The following PLA2G4E variants were observed in gnomAD, a reference collection of about 807,000 sequenced individuals.
The protein encoded by PLA2G4E is cytosolic phospholipase A2 epsilon.
In PLA2G4E, 84 loss-of-function variants were observed where a neutral mutation model predicts 109.1. The ratio of observed to expected loss-of-function variants is 0.77; its 90% CI spans 0.65 to 0.92. The LOEUF (loss-of-function observed/expected upper bound fraction) is 0.92. PLA2G4E is among the 40% of genes least tolerant of loss of function. The probability of loss-of-function intolerance (pLI) is 0.00; values close to 1 mark genes in which losing one functional copy is unlikely to be tolerated. For missense variants in PLA2G4E, 1,057 were observed against 1,076.6 expected, an observed-to-expected ratio of 0.98 and a Z score of 0.25; for synonymous variants, 469 against 436.1, an observed-to-expected ratio of 1.08 and a Z score of -0.94.
At chr15:42,000,475 A>T (rs2068405040) in intron 7 of PLA2G4E, among the ~76,000 whole-genome samples, 193 bp from the exon 8 acceptor site, 1 of 152,208 alleles carries the variant, frequency 6.6e-6, no homozygotes, top group South Asian at 2.1e-4. Flanking sequence ...AATGAGGTTT[A>T]TGAGGATGCA....
intron 1 of PLA2G4E, among the ~76,000 whole-genome samples, chr15:42,021,531 G>T (rs932832721): frequency 3.3e-5 from 5 of 152,056 alleles, no homozygotes; most frequent in African/African-American, 1.2e-4. Flanking sequence ...AGAGACCAGG[G>T]TCAGTGCTCC....
chr15:42,016,513 T>G (rs546039429), intron 1 of PLA2G4E, among the ~76,000 whole-genome samples: 5 of 152,160 alleles, frequency 3.3e-5, no homozygotes, highest in African/African-American at 1.2e-4. Flanking sequence ...ATTTTTGTAT[T>G]TTTAGTAGAG....
chr15:41,994,452 G>A lies in PLA2G4E; in HGVS notation c.1247+908C>T, dbSNP rs182402059. On this transcript the variant is annotated intron_variant, in intron 12 of 19. Coordinates refer to ENST00000399518, the Ensembl canonical transcript of PLA2G4E. ...GGCCCACCAGTCACAGACAGGACAC[G>A]GCCCTGCTTGATAGGCCACCCTGAA... is the stretch of plus-strand genomic sequence containing the variant. 3.4e-3 allele frequency among the ~76,000 whole-genome samples: 525 copies of A among 152,346 alleles called. 2 individuals carry two copies. Among genetic ancestry groups the A allele is most frequent in the African/African-American group, 0.012 (495 of 41,578 alleles).
At chr15:42,037,637 G>A (rs576272656) in intron 1 of PLA2G4E, among the ~76,000 whole-genome samples, 15 of 152,322 alleles carry the variant, frequency 9.8e-5, no homozygotes, top group African/African-American at 3.6e-4. Context: ...GCTGAAACAT[G>A]CCCCTTGCTC....
Position 41,989,404 on chromosome 15 carries a change from A to G in PLA2G4E, c.1723+11T>C, listed in dbSNP as rs1344674826. Reference sequence around the variant, plus strand: ...AGCCCCCTGTCATTCCGCCAGTTGCAAGGCAGTCACCTAGCATGTAGCAGA... The same window carrying G: ...AGCCCCCTGTCATTCCGCCAGTTGCGAGGCAGTCACCTAGCATGTAGCAGA... On this transcript the variant is annotated intron_variant, in intron 15 of 19. Transcript: ENST00000399518. 3 of 1,613,812 alleles carry G rather than the reference A, an allele frequency of 1.9e-6. No homozygotes were observed. The highest frequency in any genetic ancestry group is 2.5e-6 in the Non-Finnish European group (3 of 1,179,758).
At chr15:41,999,954 T>C in exon 9 of PLA2G4E, 1 of 1,611,532 alleles carries the variant, frequency 6.2e-7, no homozygotes, top group African/African-American at 1.3e-5. Context: ...GGAAAGGCAG[T>C]CGAGGGGCTG....
At chr15:41,989,272 C>T (rs1358339005) in intron 15 of PLA2G4E, 143 bp downstream of exon 15, 1 of 1,181,874 alleles carries the variant, frequency 8.5e-7, no homozygotes, top group African/African-American at 1.5e-5. Context: ...CAGACCAACT[C>T]TGGTCCCCAG....
chr15:42,031,822 TC>T (rs1293748484), intron 1 of PLA2G4E, among the ~76,000 whole-genome samples: 9 of 152,162 alleles, frequency 5.9e-5, no homozygotes, highest in Non-Finnish European at 1.3e-4. Context: ...TTCTCCTAGT[TC>T]CACTGTCTTA....
intron 18 of PLA2G4E, 41 bp from the exon 19 acceptor site, chr15:41,984,660 T>C: frequency 6.6e-7 from 1 of 1,506,038 alleles, no homozygotes; most frequent in East Asian, 2.3e-5. Context: ...TTAGGAGGAG[T>C]GGGAGTGGAG....
At chr15:42,037,373 G>A (rs7165266) in intron 1 of PLA2G4E, among the ~76,000 whole-genome samples, 1 of 152,248 alleles carries the variant, frequency 6.6e-6, no homozygotes, top group Non-Finnish European at 1.5e-5. Flanking sequence ...CGGTCGTCAG[G>A]ATGACCAGCT....
intron 1 of PLA2G4E, among the ~76,000 whole-genome samples, chr15:42,017,565 T>A (rs1381959259): frequency 6.6e-6 from 1 of 152,264 alleles, no homozygotes; most frequent in African/African-American, 2.4e-5. Context: ...GGCTCACAGC[T>A]AGAATCAGAG....
chr15:42,012,420 A>G (rs1052979920), intron 2 of PLA2G4E, among the ~76,000 whole-genome samples: 1 of 152,138 alleles, frequency 6.6e-6, no homozygotes, highest in Admixed American at 6.5e-5. Context: ...TTAGGCAATC[A>G]TTAACCTCTT....
chr15:42,010,140 A>ACCGC lies in PLA2G4E; in HGVS notation c.257-2276_257-2275insGCGG, dbSNP rs1555387023. ...GCTTTTCCAGAACACTGGCCCCCCC[A>ACCGC]CCCCGGGCCTGGACCACACCCTTCA... On this transcript the variant is annotated intron_variant, in intron 2 of 19. Coordinates refer to ENST00000399518, the Ensembl canonical transcript of PLA2G4E. 5.5e-6 allele frequency: 2 copies of ACCGC among 364,530 alleles called. 1 individual carries two copies. 22.6% of individuals were successfully genotyped at this position (364,530 alleles called of 1,614,324 possible). A position where few individuals can be genotyped will look rare whatever the true frequency, so the allele number is the denominator to read the frequency against.
chr15:41,990,290 C>T, intron 13 of PLA2G4E, 55 bp from the exon 14 acceptor site: 1 of 1,504,604 alleles, frequency 6.6e-7, no homozygotes, highest in South Asian at 1.1e-5. Context: ...GTGAGGGAGG[C>T]AGTGCAGAAT....
chr15:41,999,982 T>A lies in PLA2G4E; in HGVS notation c.871A>T (p.Lys291Ter). ...AGGGGCTGGCTGATGGGGCCCTTCT[T>A]GCGAGAGCGGCAGCAAAGCTGGAGG... Residue 291 changes from lysine (K) to a stop codon, truncating the protein, a stop_gained, in exon 9 of 20, where the codon AAG becomes TAG. Transcript: ENST00000399518. LOFTEE classifies it high-confidence loss of function. 1.2e-6 allele frequency: 2 copies of A among 1,609,824 alleles called. No homozygotes were observed. The highest frequency in any genetic ancestry group is 1.7e-6 in the Non-Finnish European group (2 of 1,178,344).
exon 1 of PLA2G4E, chr15:42,050,555 G>A (rs2141082590): frequency 1.3e-6 from 2 of 1,550,588 alleles, no homozygotes; most frequent in East Asian, 4.9e-5. Flanking sequence ...ACAGAAAGGT[G>A]GGAGACCAGG....
chr15:41,984,857 C>T (rs1214018268), intron 18 of PLA2G4E, among the ~76,000 whole-genome samples: 1 of 152,192 alleles, frequency 6.6e-6, no homozygotes, highest in Non-Finnish European at 1.5e-5. Flanking sequence ...AAAGCCCTTT[C>T]GTTGGTGTTC....
intron 5 of PLA2G4E, among the ~76,000 whole-genome samples, chr15:42,004,065 C>T (rs548101145): frequency 6.6e-6 from 1 of 152,298 alleles, no homozygotes; most frequent in East Asian, 1.9e-4. Context: ...AATCCCAGCA[C>T]TTTGGGAGGC....
chr15:41,983,504 C>A, exon 20 of PLA2G4E: 2 of 496,294 alleles, frequency 4.0e-6, no homozygotes, highest in South Asian at 5.9e-5. Context: ...GGCTATGAGA[C>A]CACCTTCTCT....
Sources: allele counts gnomAD v4.1 joint callset (sites outside exome capture counted in the v4.1 genomes callset), GRCh38; gene constraint gnomAD v4.1.1; transcripts MANE v1.5; gene names NCBI Gene and HGNC (gene_info 2026-07-23, HGNC 2026-07-21).